NUP153: variants seen among roughly 807,000 people sequenced by gnomAD.
NUP153 encodes the protein nucleoporin 153, also known as nuclear pore complex protein Nup153.
A neutral mutation model predicts 134.6 loss-of-function variants in NUP153; 27 were observed. The observed-to-expected ratio is 0.20, with a 90% CI of 0.15 to 0.28. The LOEUF (loss-of-function observed/expected upper bound fraction) is 0.28, where lower values mean the gene tolerates loss of function less well. NUP153 is among the 10% of genes least tolerant of loss of function. The pLI is 1.00. For synonymous variants in NUP153, 640 were observed against 623.5 expected (o/e 1.03, Z -0.40); for missense variants, 1,821 against 1,731.3 (o/e 1.05, Z -0.92).
intron 11 of NUP153, chr6:17,651,949 G>A: frequency 1.6e-6 from 1 of 616,192 alleles, no homozygotes; most frequent in South Asian, 1.7e-5. Flanking sequence ...TTAAAAATTG[G>A]CGAGGTATGA....
chr6:17,688,797 C>A (rs922361245), intron 1 of NUP153, among the ~76,000 whole-genome samples, 179 bp from the exon 2 acceptor site: 1 of 152,080 alleles, frequency 6.6e-6, no homozygotes, highest in Non-Finnish European at 1.5e-5. Flanking sequence ...ATGTGAAATT[C>A]TTTCTTTCTT....
At chr6:17,649,654 C>G (rs1485959683) in intron 11 of NUP153, among the ~76,000 whole-genome samples, 1 of 152,202 alleles carries the variant, frequency 6.6e-6, no homozygotes, top group Non-Finnish European at 1.5e-5. Context: ...GACCCATGGT[C>G]AACCATGATC....
intron 11 of NUP153, among the ~76,000 whole-genome samples, chr6:17,658,565 A>T (rs1766979705): frequency 6.6e-6 from 1 of 152,244 alleles, no homozygotes; most frequent in South Asian, 2.1e-4. Flanking sequence ...AATTGAGAGC[A>T]ATCATCAAAG....
Position 17,697,674 on chromosome 6 carries a change from C to T in NUP153, c.111+8603G>A, listed in dbSNP as rs1355717320. On this transcript the variant is annotated intron_variant, in intron 1 of 21. Transcript: ENST00000262077. ...CTGCACTCCAGCCTGGGCGACTGAG[C>T]GAGACTCCATCTCAAAAAAAAGGAT... 4.6e-5 allele frequency among the ~76,000 whole-genome samples: 7 copies of T among 151,888 alleles called. No homozygotes were observed. In the East Asian group the frequency reaches 9.7e-4, roughly 21 times the overall value.
chr6:17,675,551 C>G lies in NUP153; in HGVS notation c.554G>C (p.Ser185Thr). ...ATCAGAAGCTCTTGAAGAAAAACCA[C>G]TGGTAGTTGAGATGTTATCATCATC... ...QHDDDNISTT[S>T]GFSSRASDKD... Residue 185 changes from serine to threonine, a missense_variant, in exon 3 of 22, where the codon AGT (serine) becomes ACT (threonine). Physicochemically the swap from Ser to Thr is moderately conservative, Grantham distance 58. Coordinates refer to ENST00000262077, the MANE Select transcript of NUP153 (RefSeq NM_005124.4). This position sits in a 1 kb window ranked among gnomAD's most constrained non-coding sequence, Gnocchi z 4.4. 1.2e-6 allele frequency: 2 copies of G among 1,614,012 alleles called. No homozygotes were observed. The highest frequency in any genetic ancestry group is 1.7e-6 in the Non-Finnish European group (2 of 1,179,898).
At chr6:17,671,762 T>C (rs1767925451) in intron 5 of NUP153, among the ~76,000 whole-genome samples, 1 of 152,102 alleles carries the variant, frequency 6.6e-6, no homozygotes. Flanking sequence ...ATACCAGCAC[T>C]TTTGGGAGGC....
intron 8 of NUP153, among the ~76,000 whole-genome samples, chr6:17,666,387 C>T (rs1024148325): frequency 4.6e-5 from 7 of 152,036 alleles, no homozygotes; most frequent in South Asian, 2.1e-4. Flanking sequence ...TGGTGGCATG[C>T]GCCTGTAATC....
chr6:17,653,875 C>T (rs1766650905), intron 11 of NUP153, among the ~76,000 whole-genome samples: 1 of 152,144 alleles, frequency 6.6e-6, no homozygotes, highest in Non-Finnish European at 1.5e-5. Context: ...TTTAACATTT[C>T]ACTATATGTC....
chr6:17,706,702 G>A lies in NUP153; in HGVS notation c.-315C>T. The A allele has an allele frequency of 5.1e-6, 2 of 395,410 alleles. No homozygotes were observed. The highest frequency in any genetic ancestry group is 9.2e-6 in the Non-Finnish European group (2 of 217,722). The allele number at this position is 395,410 out of a possible 1,614,324, so 24.5% of individuals were successfully genotyped here. ...TCTCCCGCAGAGGACAGCACGAACA[G>A]TTCCCCGCGGTGCTGAGGCCTAACT... On this transcript the variant is annotated 5_prime_UTR_variant, in exon 1 of 22. Transcript: ENST00000262077. The surrounding 1 kb of genome is among the most constrained non-coding windows in gnomAD (Gnocchi z 5.9).
At chr6:17,679,324 G>C (rs562808240) in intron 2 of NUP153, among the ~76,000 whole-genome samples, 1 of 152,106 alleles carries the variant, frequency 6.6e-6, no homozygotes, top group African/African-American at 2.4e-5. Context: ...AATGAACCAA[G>C]GTAAAAGATG....
chr6:17,694,911 A>C (rs1270719098), intron 1 of NUP153, among the ~76,000 whole-genome samples: 1 of 151,018 alleles, frequency 6.6e-6, no homozygotes, highest in Non-Finnish European at 1.5e-5. Context: ...CCCAGGACGC[A>C]GAGGTTGCAG....
chr6:17,618,265 T>C (rs568751840), intron 20 of NUP153, among the ~76,000 whole-genome samples: 1 of 152,304 alleles, frequency 6.6e-6, no homozygotes, highest in East Asian at 1.9e-4. Flanking sequence ...AGGATTTAAG[T>C]GGTATTTACG....
rs541502491 is a variant in NUP153 at position 17,615,954 on chromosome 6, G to A, written c.*143C>T. ...TGAGGCAGGGTGGGGCTTCTGTAAC[G>A]AAAGAGAAAGGAGGAAAATTCCAAA... On this transcript the variant is annotated 3_prime_UTR_variant, in exon 22 of 22. Coordinates refer to ENST00000262077, the MANE Select transcript of NUP153 (RefSeq NM_005124.4). This position sits in a 1 kb window ranked among gnomAD's most constrained non-coding sequence, Gnocchi z 5.7. 3.5e-5 allele frequency: 19 copies of A among 549,920 alleles called. No homozygotes were observed. Among genetic ancestry groups the A allele is most frequent in the South Asian group, 6.0e-5 (2 of 33,522 alleles). The allele number at this position is 549,920 out of a possible 1,614,324, so 34.1% of individuals were successfully genotyped here.
At chr6:17,690,215 G>A (rs1769190633) in intron 1 of NUP153, among the ~76,000 whole-genome samples, 1 of 150,386 alleles carries the variant, frequency 6.6e-6, no homozygotes, top group Non-Finnish European at 1.5e-5. Context: ...AGCCAGGCGT[G>A]GTGGCGGGCG....
At chr6:17,646,913 A>AT (rs1365097118) in intron 13 of NUP153, among the ~76,000 whole-genome samples, 8 of 95,328 alleles carry the variant, frequency 8.4e-5, no homozygotes, top group African/African-American at 2.3e-4. Flanking sequence ...CTAATTCTGT[A>AT]TTTTCTTTTT....
intron 9 of NUP153, 115 bp from the exon 10 acceptor site, chr6:17,662,185 T>C: frequency 1.1e-6 from 1 of 920,396 alleles, no homozygotes; most frequent in Non-Finnish European, 1.7e-6. Context: ...GGCTTTTTAG[T>C]TAATGAATCC....
At chr6:17,703,622 A>G (rs1475963930) in intron 1 of NUP153, among the ~76,000 whole-genome samples, 2 of 151,830 alleles carry the variant, frequency 1.3e-5, no homozygotes, top group East Asian at 1.9e-4. Flanking sequence ...CAAAGCCTCA[A>G]TAAGGACTAA....
intron 20 of NUP153, among the ~76,000 whole-genome samples, chr6:17,621,969 T>G (rs1217536244): frequency 6.6e-6 from 1 of 152,146 alleles, no homozygotes; most frequent in Non-Finnish European, 1.5e-5. Flanking sequence ...AATATTTTTT[T>G]AAAGTTTTTC....
intron 11 of NUP153, among the ~76,000 whole-genome samples, chr6:17,659,469 T>C (rs1421547046): frequency 6.6e-6 from 1 of 152,128 alleles, no homozygotes; most frequent in African/African-American, 2.4e-5. Flanking sequence ...CCATTTCTTT[T>C]GTTTTTGTTT....
Sources: gnomAD v4.1 joint callset for allele counts (sites outside exome capture counted in the v4.1 genomes callset) on GRCh38, gnomAD v4.1.1 for gene constraint, Gnocchi (gnomAD v3.1) non-coding constraint, MANE v1.5 for transcripts, NCBI Gene and HGNC (gene_info 2026-07-23, HGNC 2026-07-21) for gene names.